The following ARL14EPL variants were observed in gnomAD, a reference collection of about 807,000 sequenced individuals.
The protein encoded by ARL14EPL is ARF like GTPase 14 effector protein like, also known as ARL14 effector protein-like.
ARL14EPL carries 17 observed loss-of-function variants against 15.9 expected under a neutral mutation model. The observed-to-expected ratio is 1.07, with a 90% CI of 0.73 to 1.60. The LOEUF (loss-of-function observed/expected upper bound fraction) is 1.60. ARL14EPL is among the 40% of genes most tolerant of loss of function. The pLI is 0.00. For synonymous variants in ARL14EPL, 78 were observed against 63.8 expected (o/e 1.22, Z -1.06); for missense variants, 214 against 185.9 (o/e 1.15, Z -0.88).
intron 1 of ARL14EPL, among the ~76,000 whole-genome samples, chr5:116,038,704 G>A (rs1167246081): frequency 6.6e-6 from 1 of 151,222 alleles, no homozygotes; most frequent in Non-Finnish European, 1.5e-5. Context: ...GAAACATGGG[G>A]TGGGGAGGGC....
intron 2 of ARL14EPL, chr5:116,052,283 A>G (rs776633459): frequency 2.9e-4 from 433 of 1,474,722 alleles, no homozygotes; most frequent in Non-Finnish European, 3.8e-4. Flanking sequence ...CTTGGGCGGC[A>G]TTGCGAAGCT....
At chr5:116,043,786 T>C (rs1168264704) in intron 1 of ARL14EPL, among the ~76,000 whole-genome samples, 1 of 152,202 alleles carries the variant, frequency 6.6e-6, no homozygotes, top group Admixed American at 6.5e-5. Flanking sequence ...ACCTTATCTT[T>C]TGGAAAATTT....
intron 1 of ARL14EPL, among the ~76,000 whole-genome samples, chr5:116,050,021 G>C (rs886436867): frequency 5.3e-5 from 8 of 152,148 alleles, no homozygotes; most frequent in African/African-American, 1.9e-4. Flanking sequence ...ATATGTATCT[G>C]CTTATGAATT....
intron 3 of ARL14EPL, among the ~76,000 whole-genome samples, chr5:116,054,585 A>G (rs1749470838): frequency 6.6e-6 from 1 of 152,232 alleles, no homozygotes; most frequent in Non-Finnish European, 1.5e-5. Flanking sequence ...TAATTCCAAC[A>G]CTTTGGGAGG....
intron 1 of ARL14EPL, among the ~76,000 whole-genome samples, chr5:116,033,481 C>CTA: frequency 6.6e-6 from 1 of 152,246 alleles, no homozygotes; most frequent in East Asian, 1.9e-4. Context: ...TTTCAACTTA[C>CTA]TATAGGCTTA....
rs371257359 is a variant in ARL14EPL at position 116,057,307 on chromosome 5, C to T, written c.237-1418C>T. On this transcript the variant is annotated intron_variant, in intron 3 of 3. Transcript: ENST00000686077. ...ATTGAAGAGGACTTCACTGCTGTAA[C>T]ACTCTTTTGTTAAGCTGGACAGTGG... Among the ~76,000 whole-genome samples, 5 of 152,162 alleles carry T rather than the reference C, an allele frequency of 3.3e-5. No homozygotes were observed. In the South Asian group the frequency reaches 1.0e-3, roughly 32 times the overall value.
chr5:116,057,829 C>A (rs1749556471), intron 3 of ARL14EPL, among the ~76,000 whole-genome samples: 1 of 152,136 alleles, frequency 6.6e-6, no homozygotes, highest in Admixed American at 6.6e-5. Flanking sequence ...GAGTATTATA[C>A]ATAATTTTGC....
intron 1 of ARL14EPL, among the ~76,000 whole-genome samples, chr5:116,032,779 GT>G (rs1279466066): frequency 1.3e-5 from 2 of 152,078 alleles, no homozygotes; most frequent in Non-Finnish European, 2.9e-5. Flanking sequence ...TGTATTCTGA[GT>G]TTTTTGTTGT....
At chr5:116,058,661 T>C (rs1272553063) in intron 3 of ARL14EPL, 64 bp from the exon 4 acceptor site, 1 of 1,444,484 alleles carries the variant, frequency 6.9e-7, no homozygotes, top group Non-Finnish European at 9.4e-7. Flanking sequence ...GATTGTACAT[T>C]AATTTATTCT....
chr5:116,052,424 T>G (rs1224644536), intron 2 of ARL14EPL: 11 of 628,874 alleles, frequency 1.7e-5, no homozygotes, highest in Non-Finnish European at 3.1e-5. Flanking sequence ...ATGTATTAAC[T>G]CATCTAATCC....
chr5:116,039,639 C>T (rs1749111839), intron 1 of ARL14EPL, among the ~76,000 whole-genome samples: 1 of 151,444 alleles, frequency 6.6e-6, no homozygotes, highest in Non-Finnish European at 1.5e-5. Flanking sequence ...CTTAGAACAA[C>T]AGAACATGAA....
chr5:116,057,020 T>A (rs1561581899), intron 3 of ARL14EPL, among the ~76,000 whole-genome samples: 1 of 152,250 alleles, frequency 6.6e-6, no homozygotes, highest in East Asian at 1.9e-4. Flanking sequence ...AATGCAAATA[T>A]CCTCAATAAA....
chr5:116,038,325 G>C (rs1200657464), intron 1 of ARL14EPL, among the ~76,000 whole-genome samples: 1 of 152,188 alleles, frequency 6.6e-6, no homozygotes, highest in African/African-American at 2.4e-5. Context: ...GAACAAGCTT[G>C]CAAACATAGA....
intron 2 of ARL14EPL, chr5:116,052,176 C>G: frequency 6.2e-7 from 1 of 1,609,612 alleles, no homozygotes. Context: ...CGAACTTTGC[C>G]TTTGGACCAC....
At chr5:116,040,166 A>G (rs1244589553) in intron 1 of ARL14EPL, among the ~76,000 whole-genome samples, 1 of 152,114 alleles carries the variant, frequency 6.6e-6, no homozygotes, top group African/African-American at 2.4e-5. Flanking sequence ...TAAATTTCCC[A>G]AAGAGGAATT....
intron 2 of ARL14EPL, chr5:116,052,111 A>G (rs1459225765): frequency 1.9e-6 from 3 of 1,612,912 alleles, no homozygotes; most frequent in Non-Finnish European, 2.5e-6. Flanking sequence ...GAACTTCCTT[A>G]CAGAGTTTGT....
rs536373701 is a variant in ARL14EPL at position 116,058,946 on chromosome 5, A to C, written c.458A>C (p.Ter153SerextTer7). ...ISTLPFNVPD[*>S] ...ACGCTGCCGTTTAATGTTCCTGACT[A>C]GGTGCTCTTGTATATGGACTGATTT... Residue 153 changes from the stop codon to serine, a stop_lost, in exon 4 of 4, where the codon TAG (stop) becomes TCG (serine). Coordinates refer to ENST00000686077, the MANE Select transcript of ARL14EPL (RefSeq NM_001195581.2). The C allele has an allele frequency of 1.0e-5, 16 of 1,535,740 alleles. No individual in the cohort carries two copies. The South Asian group carries it at 1.7e-4, about 16-fold the overall frequency.
chr5:116,037,801 TCTAA>T (rs1234988376), intron 1 of ARL14EPL, among the ~76,000 whole-genome samples: 14 of 152,240 alleles, frequency 9.2e-5, no homozygotes, highest in East Asian at 1.9e-4. Context: ...ATGATTACTA[TCTAA>T]CTGTTTTCTT....
rs377664621 is a variant in ARL14EPL at position 116,057,138 on chromosome 5, C to T, written c.237-1587C>T. Among the ~76,000 whole-genome samples, 91 of 152,280 alleles carry T rather than the reference C, an allele frequency of 6.0e-4. 2 individuals carry two copies. The highest frequency in any genetic ancestry group is 2.0e-3 in the African/African-American group (85 of 41,568). Reference sequence around the variant, plus strand: ...GGTTCAACACATGCAAATCAATAAACGTAATCCAGCATATAAACAGAACCA... The same window carrying T: ...GGTTCAACACATGCAAATCAATAAATGTAATCCAGCATATAAACAGAACCA... On this transcript the variant is annotated intron_variant, in intron 3 of 3. Coordinates refer to ENST00000686077, the MANE Select transcript of ARL14EPL (RefSeq NM_001195581.2).
Sources: allele counts gnomAD v4.1 joint callset (sites outside exome capture counted in the v4.1 genomes callset), GRCh38; gene constraint gnomAD v4.1.1; transcripts MANE v1.5; gene names NCBI Gene and HGNC (gene_info 2026-07-23, HGNC 2026-07-21).